EHD1: variants seen among roughly 807,000 people sequenced by gnomAD.
EHD1 encodes the protein EH domain containing 1, also known as EH domain-containing protein 1.
A neutral mutation model predicts 39.0 loss-of-function variants in EHD1; 19 were observed. The observed-to-expected ratio is 0.49, with a 90% CI of 0.34 to 0.72. The LOEUF is 0.72. EHD1 is among the 30% of genes least tolerant of loss of function. The probability of loss-of-function intolerance (pLI) is 0.01; values close to 1 mark genes in which losing one functional copy is unlikely to be tolerated. For missense variants in EHD1, 542 were observed against 751.5 expected (o/e 0.72, Z 3.26); for synonymous variants, 323 against 331.2 (o/e 0.98, Z 0.27).
Position 64,860,394 on chromosome 11 carries a change from T to C in EHD1, c.503-58A>G, listed in dbSNP as rs541250479. On this transcript the variant is annotated intron_variant, in intron 2 of 4. Transcript: ENST00000320631. Reference sequence around the variant, plus strand: ...CCAAGGGACCTGCTGCTCTGATGGCTCTCATCTCCAACCTGGCCTGGTATT... The same window carrying C: ...CCAAGGGACCTGCTGCTCTGATGGCCCTCATCTCCAACCTGGCCTGGTATT... The C allele has an allele frequency of 2.1e-5, 32 of 1,551,522 alleles. No homozygotes were observed. The African/African-American group carries it at 4.4e-4, about 21-fold the overall frequency.
chr11:64,856,396 G>A (rs919968419), intron 3 of EHD1: 4 of 152,306 alleles, frequency 2.6e-5, no homozygotes, highest in African/African-American at 9.7e-5. Flanking sequence ...TCCCAAAAAG[G>A]CTTCTCCTGG....
intron 2 of EHD1, among the ~76,000 whole-genome samples, chr11:64,862,781 G>C (rs143914360): frequency 5.1e-4 from 78 of 152,334 alleles, no homozygotes; most frequent in African/African-American, 1.8e-3. Context: ...GACTAAGGCA[G>C]GAGGATAACC....
chr11:64,878,775 C>T (rs935109690), upstream of EHD1: 6 of 1,255,912 alleles, frequency 4.8e-6, no homozygotes, highest in African/African-American at 1.6e-5. Context: ...CCCTACCCCG[C>T]CCCCATTGGC....
chr11:64,878,758 C>A (rs1262186148), upstream of EHD1: 11 of 1,295,842 alleles, frequency 8.5e-6, no homozygotes, highest in Non-Finnish European at 1.1e-5. Flanking sequence ...ACTGGTGCCA[C>A]GTCTTCCCCT....
At chr11:64,879,491 C>A, upstream of EHD1, 1 of 1,428,732 alleles carries the variant, frequency 7.0e-7, no homozygotes, top group Non-Finnish European at 9.6e-7. Context: ...AGTGTGGGGG[C>A]AACAATGAAA....
upstream of EHD1, chr11:64,878,851 C>T (rs527336029): frequency 4.5e-6 from 5 of 1,108,196 alleles, no homozygotes; most frequent in East Asian, 2.9e-4. Context: ...CGCCCCGCCC[C>T]TCGTAGGGAG....
intron 4 of EHD1, 85 bp downstream of exon 4, chr11:64,855,237 T>C: frequency 6.6e-7 from 1 of 1,514,370 alleles, no homozygotes; most frequent in African/African-American, 1.4e-5. Flanking sequence ...CCCATGGAGA[T>C]GGGATTCCCT....
chr11:64,878,863 C>A (rs1943922594), upstream of EHD1: 3 of 1,087,522 alleles, frequency 2.8e-6, no homozygotes, highest in Middle Eastern at 4.0e-4. Context: ...CGTAGGGAGG[C>A]TCGCGAAAGT....
rs1206315685 is a variant in EHD1, at chr11:64,851,712, T to A, written c.*2621A>T. On this transcript the variant is annotated 3_prime_UTR_variant, in exon 5 of 5. Transcript: ENST00000320631. ...GTACAGCTGCAGTCTAAGGGTGGGG[T>A]TGGGGGGATCTACCGTTTTTTCCTC... 6.6e-6 allele frequency: 1 copy of A among 152,032 alleles called. No homozygotes were observed. The highest frequency in any genetic ancestry group is 1.5e-5 in the Non-Finnish European group (1 of 68,030). 9.4% of individuals were successfully genotyped at this position (152,032 alleles called of 1,614,324 possible).
In EHD1 at chr11:64,854,028, G is replaced by A; in HGVS notation, c.*305C>T. 4.2e-6 allele frequency: 2 copies of A among 475,786 alleles called. No individual in the cohort carries two copies. The highest frequency in any genetic ancestry group is 4.1e-5 in the East Asian group (1 of 24,284). 29.5% of individuals were successfully genotyped at this position (475,786 alleles called of 1,614,324 possible). A position where few individuals can be genotyped will look rare whatever the true frequency, so the allele number is the denominator to read the frequency against. On this transcript the variant is annotated 3_prime_UTR_variant, in exon 5 of 5. Coordinates refer to ENST00000320631, the MANE Select transcript of EHD1 (RefSeq NM_006795.4). ...ACTGTCCAGCTCCAGCCACAGCAAA[G>A]GCCGGGGGGCAGAGGCCGTGCACAC...
intron 2 of EHD1, among the ~76,000 whole-genome samples, chr11:64,862,824 T>A (rs912312849): frequency 7.2e-5 from 11 of 152,142 alleles, no homozygotes; most frequent in African/African-American, 2.7e-4. Flanking sequence ...CAGTGAGCCG[T>A]GATCATGCCA....
intron 2 of EHD1, among the ~76,000 whole-genome samples, chr11:64,865,168 C>T (rs941119963): frequency 2.6e-5 from 4 of 152,262 alleles, no homozygotes; most frequent in African/African-American, 9.6e-5. Context: ...ACAAAAAGGG[C>T]CACAGCACTC....
In EHD1 at chr11:64,853,970, GCGACCTGGCTCCCC is replaced by G. The variant is rs1943612678; in HGVS notation, c.*349_*362del. On this transcript the variant is annotated 3_prime_UTR_variant, in exon 5 of 5. Transcript: ENST00000320631. ...CCTCAGCCTAGCAGCTGCCAAAAGG[GCGACCTGGCTCCCC>G]CACGGTCGCAGTCGCTGCACTGTCC... 3.5e-6 allele frequency: 1 copy of G among 286,044 alleles called. No individual in the cohort carries two copies. Among genetic ancestry groups the G allele is most frequent in the Non-Finnish European group, 6.7e-6 (1 of 149,122 alleles). 17.7% of individuals were successfully genotyped at this position (286,044 alleles called of 1,614,324 possible). A position where few individuals can be genotyped will look rare whatever the true frequency, so the allele number is the denominator to read the frequency against.
chr11:64,859,596 C>A (rs1300183811), intron 3 of EHD1: 2 of 303,600 alleles, frequency 6.6e-6, no homozygotes, highest in Non-Finnish European at 1.2e-5. Context: ...CACTCCATTT[C>A]TGAGGCTGCC....
intron 2 of EHD1, among the ~76,000 whole-genome samples, chr11:64,866,586 A>C (rs569948370): frequency 6.6e-6 from 1 of 151,894 alleles, no homozygotes; most frequent in Admixed American, 6.6e-5. Flanking sequence ...CACTGAGGTA[A>C]GAGGATTGTT....
At chr11:64,863,041 C>A (rs1400678388) in intron 2 of EHD1, among the ~76,000 whole-genome samples, 8 of 152,332 alleles carry the variant, frequency 5.3e-5, no homozygotes, top group Non-Finnish European at 4.4e-5. Context: ...ATCCTCTCTG[C>A]CTGATTCTGG....
chr11:64,870,317 C>T (rs1943814445), intron 2 of EHD1, among the ~76,000 whole-genome samples: 2 of 152,194 alleles, frequency 1.3e-5, no homozygotes, highest in South Asian at 4.1e-4. Context: ...TCAGCTCCGC[C>T]GCAGTAGGAG....
rs746112415 is a variant in EHD1, at chr11:64,868,731, A to C, written c.502+5690T>G. 6.6e-6 allele frequency among the ~76,000 whole-genome samples: 1 copy of C among 152,250 alleles called. No homozygotes were observed. The highest frequency in any genetic ancestry group is 1.5e-5 in the Non-Finnish European group (1 of 68,054). On this transcript the variant is annotated intron_variant, in intron 2 of 4. Coordinates refer to ENST00000320631, the MANE Select transcript of EHD1 (RefSeq NM_006795.4). This position sits in a 1 kb window ranked among gnomAD's most constrained non-coding sequence, Gnocchi z 4.2. ...TCTGTCATGGTGGCGGCAGCCCAGG[A>C]ATGCTTTGTACAGCAGGGCACCTGA...
intron 4 of EHD1, 39 bp from the exon 5 acceptor site, chr11:64,854,896 G>A: frequency 6.3e-7 from 1 of 1,581,726 alleles, no homozygotes; most frequent in Non-Finnish European, 8.6e-7. Context: ...TGGGAAGGGA[G>A]GCCCCTCCCA....
Sources: allele counts gnomAD v4.1 joint callset (sites outside exome capture counted in the v4.1 genomes callset), GRCh38; gene constraint gnomAD v4.1.1; non-coding constraint Gnocchi (gnomAD v3.1); transcripts MANE v1.5; gene names NCBI Gene and HGNC (gene_info 2026-07-23, HGNC 2026-07-21).